The following ZNF76 variants were observed in gnomAD, a reference collection of about 807,000 sequenced individuals.
The protein encoded by ZNF76 is zinc finger protein 523.
ZNF76 carries 66 observed loss-of-function variants against 66.9 expected under a neutral mutation model. The ratio of observed to expected loss-of-function variants is 0.99; its 90% CI spans 0.81 to 1.21. ZNF76 has a LOEUF of 1.21. Among genes scored for constraint, ZNF76 ranks in the 50% most tolerant of loss-of-function variants. The pLI is 0.00. For missense variants in ZNF76, 729 were observed against 760.3 expected, an observed-to-expected ratio of 0.96 and a Z score of 0.48; for synonymous variants, 275 against 296.1, an observed-to-expected ratio of 0.93 and a Z score of 0.73.
chr6:35,295,092 C>A, intron 13 of ZNF76, 52 bp from the exon 14 acceptor site: 1 of 1,432,794 alleles, frequency 7.0e-7, no homozygotes, highest in Non-Finnish European at 9.7e-7. Flanking sequence ...ACACTGGAAT[C>A]TAGCAGGGAG....
intron 2 of ZNF76, among the ~76,000 whole-genome samples, chr6:35,285,144 T>C (rs1393751282): frequency 6.6e-6 from 1 of 152,258 alleles, no homozygotes; most frequent in African/African-American, 2.4e-5. Flanking sequence ...TGCTTTCCAG[T>C]AAGGTAAAGG....
chr6:35,268,880 A>G (rs1786558565), intron 1 of ZNF76, among the ~76,000 whole-genome samples: 1 of 152,092 alleles, frequency 6.6e-6, no homozygotes, highest in South Asian at 2.1e-4. Flanking sequence ...GCTGTTTCCT[A>G]AAGCTGCCAA....
At chr6:35,289,792 C>T (rs950350618) in intron 5 of ZNF76, among the ~76,000 whole-genome samples, 5 of 152,194 alleles carry the variant, frequency 3.3e-5, no homozygotes, top group Admixed American at 3.3e-4. Flanking sequence ...CTCATCTCCA[C>T]AGCAAGCCCC....
intron 2 of ZNF76, 57 bp downstream of exon 2, chr6:35,281,281 G>A: frequency 6.4e-7 from 1 of 1,554,816 alleles, no homozygotes; most frequent in East Asian, 2.2e-5. Context: ...CTGGAAAGGA[G>A]TGTCCATTTC....
intron 1 of ZNF76, among the ~76,000 whole-genome samples, chr6:35,278,770 C>T (rs966965700): frequency 2.0e-5 from 3 of 152,240 alleles, no homozygotes; most frequent in Admixed American, 1.3e-4. Flanking sequence ...GGCTGCACAC[C>T]ACAGTGGGTA....
chr6:35,275,513 C>T (rs1021759611), intron 1 of ZNF76, among the ~76,000 whole-genome samples: 3 of 152,216 alleles, frequency 2.0e-5, no homozygotes, highest in Middle Eastern at 3.4e-3. Flanking sequence ...TGGGAGGATT[C>T]AGAGTAAACC....
chr6:35,290,282 A>G lies in ZNF76; in HGVS notation c.449A>G (p.Gln150Arg). ...QYASKVLHDS[Q>R]IPRNGKGQQV... ...TTCCCCCAGGTTCTTCATGACAGCC[A>G]GATTCCCCGTAATGGAAAAGGGCAG... Residue 150 changes from glutamine to arginine, a missense_variant, in exon 6 of 14, where the codon CAG becomes CGG. Gln to Arg is a conservative substitution (Grantham distance 43). Coordinates refer to ENST00000373953, the MANE Select transcript of ZNF76 (RefSeq NM_003427.5). 1 of 1,614,228 alleles carries G rather than the reference A, an allele frequency of 6.2e-7. No individual in the cohort carries two copies. The highest frequency in any genetic ancestry group is 8.5e-7 in the Non-Finnish European group (1 of 1,180,028).
intron 6 of ZNF76, 33 bp from the exon 7 acceptor site, chr6:35,290,608 T>A (rs778761966): frequency 6.2e-7 from 1 of 1,612,446 alleles, no homozygotes; most frequent in South Asian, 1.1e-5. Flanking sequence ...ATACCCTTGC[T>A]CCTCTGAATT....
chr6:35,287,555 G>T lies in ZNF76; in HGVS notation c.233-91G>T. On this transcript the variant is annotated intron_variant, in intron 4 of 13. Coordinates refer to ENST00000373953, the MANE Select transcript of ZNF76 (RefSeq NM_003427.5). The surrounding 1 kb of genome is among the most constrained non-coding windows in gnomAD (Gnocchi z 4.0). ...AAATTGGATGTTGAAACCCTCCTTG[G>T]TATATGTATCTCTCATTAACTTAAA... 3.3e-6 allele frequency: 4 copies of T among 1,223,110 alleles called. No individual in the cohort carries two copies. Among genetic ancestry groups the T allele is most frequent in the Non-Finnish European group, 4.6e-6 (4 of 873,942 alleles). 75.8% of individuals were successfully genotyped at this position (1,223,110 alleles called of 1,614,324 possible).
intron 2 of ZNF76, among the ~76,000 whole-genome samples, chr6:35,282,951 T>C (rs570616428): frequency 6.6e-6 from 1 of 152,310 alleles, no homozygotes; most frequent in African/African-American, 2.4e-5. Context: ...TTTTGAAGCC[T>C]GAAACTCTCT....
chr6:35,264,528 T>C (rs988441804), intron 1 of ZNF76, among the ~76,000 whole-genome samples: 1 of 152,154 alleles, frequency 6.6e-6, no homozygotes, highest in African/African-American at 2.4e-5. Context: ...GGATAATGGG[T>C]TCAAGAGGTT....
chr6:35,294,672 A>G, intron 13 of ZNF76, 103 bp downstream of exon 13: 1 of 817,826 alleles, frequency 1.2e-6, no homozygotes, highest in Non-Finnish European at 2.1e-6. Flanking sequence ...CATCTGACTC[A>G]AAAAGAGCCC....
chr6:35,284,705 T>C (rs1419030683), intron 2 of ZNF76, among the ~76,000 whole-genome samples: 4 of 151,210 alleles, frequency 2.6e-5, no homozygotes, highest in Admixed American at 2.6e-4. Flanking sequence ...CCAGCCTTTT[T>C]ATTTATTTAT....
rs192470934 is a variant in ZNF76 at position 35,290,433 on chromosome 6, T to A, written c.549+51T>A. On this transcript the variant is annotated intron_variant, in intron 6 of 13. Transcript: ENST00000373953. ...AGCTCTGCAGTCTTCCCTCCCAGGCTGTAATTCTACCTTTCTGCTTTGATT... is the reference window on the plus strand; with the variant it reads ...AGCTCTGCAGTCTTCCCTCCCAGGCAGTAATTCTACCTTTCTGCTTTGATT... 8.3e-4 allele frequency: 1,333 copies of A among 1,602,476 alleles called. 3 individuals carry two copies. The highest frequency in any genetic ancestry group is 1.0e-3 in the Non-Finnish European group (1,182 of 1,172,426).
In ZNF76 at chr6:35,288,695, G is replaced by A. The variant is rs571607730; in HGVS notation, c.432+850G>A. On this transcript the variant is annotated intron_variant, in intron 5 of 13. Coordinates refer to ENST00000373953, the MANE Select transcript of ZNF76 (RefSeq NM_003427.5). Reference sequence around the variant, plus strand: ...GCACAGGCCGGGAGCAGAGGCTCACGCCTGTAATCCCAGCACTTTGGGAGG... The same window carrying A: ...GCACAGGCCGGGAGCAGAGGCTCACACCTGTAATCCCAGCACTTTGGGAGG... 2.0e-5 allele frequency among the ~76,000 whole-genome samples: 3 copies of A among 152,332 alleles called. No individual in the cohort carries two copies. The South Asian group carries it at 6.2e-4, about 32-fold the overall frequency.
intron 11 of ZNF76, 151 bp downstream of exon 11, chr6:35,293,195 A>G: frequency 2.2e-6 from 2 of 914,438 alleles, no homozygotes; most frequent in Non-Finnish European, 3.2e-6. Flanking sequence ...TGAGGAGACC[A>G]CATCTTGCAG....
In ZNF76 at chr6:35,295,016, G is replaced by C; in HGVS notation, c.1609-128G>C. 6 of 658,466 alleles carry C rather than the reference G, an allele frequency of 9.1e-6. No individual in the cohort carries two copies. In the South Asian group the frequency reaches 1.1e-4, roughly 12 times the overall value. 40.8% of individuals were successfully genotyped at this position (658,466 alleles called of 1,614,324 possible). On this transcript the variant is annotated intron_variant, in intron 13 of 13. Transcript: ENST00000373953. Reference sequence around the variant, plus strand: ...TTCATGTTTATTGGAGCCCTACTAAGTGCTCAGCGTGTGGCACTGGGTAGA... The same window carrying C: ...TTCATGTTTATTGGAGCCCTACTAACTGCTCAGCGTGTGGCACTGGGTAGA...
chr6:35,291,931 C>A, intron 9 of ZNF76, 194 bp downstream of exon 9: 1 of 665,128 alleles, frequency 1.5e-6, no homozygotes, highest in South Asian at 1.8e-5. Context: ...CCAGTTAGGT[C>A]CAATCTGAAA....
chr6:35,264,716 TC>T (rs1255040304), intron 1 of ZNF76, among the ~76,000 whole-genome samples: 2 of 152,128 alleles, frequency 1.3e-5, no homozygotes, highest in African/African-American at 4.8e-5. Context: ...GTATATTTAG[TC>T]CTAACCTTTC....
Sources: allele counts gnomAD v4.1 joint callset (sites outside exome capture counted in the v4.1 genomes callset), GRCh38; gene constraint gnomAD v4.1.1; non-coding constraint Gnocchi (gnomAD v3.1); transcripts MANE v1.5; gene names NCBI Gene and HGNC (gene_info 2026-07-23, HGNC 2026-07-21).